The following GCNT1 variants were observed in gnomAD, a reference collection of about 807,000 sequenced individuals.
GCNT1 encodes the protein beta-1,3-galactosyl-O-glycosyl-glycoprotein beta-1,6-N-acetylglucosaminyltransferase.
Under a neutral mutation model 26.2 loss-of-function variants are expected in GCNT1, and 16 were observed. That is an observed-to-expected ratio of 0.61 (90% CI 0.41 to 0.93). GCNT1 has a LOEUF of 0.93. Among genes scored for constraint, GCNT1 ranks in the 40% least tolerant of loss-of-function variants. The pLI is 0.00. For missense variants in GCNT1, 477 were observed against 526.7 expected, an observed-to-expected ratio of 0.91 and a Z score of 0.92; for synonymous variants, 183 against 190.8, an observed-to-expected ratio of 0.96 and a Z score of 0.34.
chr9:76,497,974 A>G (rs1718207371), intron 2 of GCNT1, among the ~76,000 whole-genome samples: 1 of 141,808 alleles, frequency 7.1e-6, no homozygotes, highest in African/African-American at 2.4e-5. Context: ...CTTTGTACCT[A>G]CCAGCATTCA....
At position 76,503,377 on chromosome 9, in the gene GCNT1, C is replaced by T. The variant is rs1587461455; in HGVS notation, c.996C>T (p.Val332=). ...CCACCATCCAAAGGATTCCTGAAGT[C>T]CCGGGCTCACTCCCTGCCAGCCATA... ...LWATIQRIPE[V]PGSLPASHKY... is the part of the protein sequence containing the mutation. Residue 332 remains valine, a synonymous_variant, in exon 4 of 4, where the codon GTC becomes GTT. Coordinates refer to ENST00000376730, the MANE Select transcript of GCNT1 (RefSeq NM_001490.5). 1 of 1,614,148 alleles carries T rather than the reference C, an allele frequency of 6.2e-7. No individual in the cohort carries two copies. The highest frequency in any genetic ancestry group is 2.2e-5 in the East Asian group (1 of 44,886).
chr9:76,398,592 T>C, the GCNT1 span: 1 of 703,324 alleles, frequency 1.4e-6, no homozygotes, highest in African/African-American at 1.8e-5. Context: ...GGTGAAAACT[T>C]TTATCCACAC....
At chr9:76,476,822 G>T (rs7854501) in intron 2 of GCNT1, among the ~76,000 whole-genome samples, 12,481 of 152,126 alleles carry the variant, frequency 0.082, 842 homozygotes, top group African/African-American at 0.19. Context: ...ACTCAAAAAG[G>T]TTATTTTTCA....
rs753301345 is a variant in GCNT1, at chr9:76,503,498, G to A, written c.1117G>A (p.Asp373Asn). Residue 373 changes from aspartate to asparagine, a missense_variant, in exon 4 of 4, where the codon GAT becomes AAT. Physicochemically the swap from Asp to Asn is conservative, Grantham distance 23 (BLOSUM62 1). Transcript: ENST00000376730. ...CAAGGGTGCTCCCTACCCGCCCTGC[G>A]ATGGAGTCCATGTGCGCTCAGTGTG... ...VSKGAPYPPC[D>N]GVHVRSVCIF... 28 of 1,614,068 alleles carry A rather than the reference G, an allele frequency of 1.7e-5. No individual in the cohort carries two copies. The highest frequency in any genetic ancestry group is 1.7e-5 in the Admixed American group (1 of 59,998).
chr9:76,403,892 T>C, the GCNT1 span, among the ~76,000 whole-genome samples: 1 of 152,224 alleles, frequency 6.6e-6, no homozygotes, highest in Non-Finnish European at 1.5e-5. Flanking sequence ...ATACATTTGG[T>C]GCAATGATGG....
chr9:76,406,905 G>A, the GCNT1 span, among the ~76,000 whole-genome samples: 50,932 of 151,710 alleles, frequency 0.34, 9,084 homozygotes, highest in Middle Eastern at 0.4. Context: ...GCCGGGCATG[G>A]TGGCTCATGC....
chr9:76,483,243 T>C (rs7019479), intron 2 of GCNT1, among the ~76,000 whole-genome samples: 1 of 152,034 alleles, frequency 6.6e-6, no homozygotes, highest in Admixed American at 6.6e-5. Context: ...AGTAGTTGCA[T>C]GTGACTACTA....
At chr9:76,457,913 C>G (rs1823785998), upstream of GCNT1, among the ~76,000 whole-genome samples, 1 of 152,084 alleles carries the variant, frequency 6.6e-6, no homozygotes, top group African/African-American at 2.4e-5. Flanking sequence ...AGAGGATACA[C>G]AAGCTCCTAA....
At chr9:76,427,460 G>A (rs1405863117) in intron 1 of GCNT1, among the ~76,000 whole-genome samples, 1 of 152,090 alleles carries the variant, frequency 6.6e-6, no homozygotes, top group Non-Finnish European at 1.5e-5. Context: ...TATTACAGGC[G>A]TGAGCCATCA....
chr9:76,486,501 C>T (rs573497362), intron 2 of GCNT1, among the ~76,000 whole-genome samples: 1 of 152,278 alleles, frequency 6.6e-6, no homozygotes, highest in Non-Finnish European at 1.5e-5. Context: ...TACCTTTCAG[C>T]AGAAGGTGGG....
At chr9:76,421,026 C>T (rs921220277) in intron 1 of GCNT1, among the ~76,000 whole-genome samples, 1 of 151,448 alleles carries the variant, frequency 6.6e-6, no homozygotes, top group African/African-American at 2.4e-5. Context: ...TCTCATCTTC[C>T]TGTTAGTGGT....
At chr9:76,409,911 C>G in the GCNT1 span, among the ~76,000 whole-genome samples, 4 of 152,066 alleles carry the variant, frequency 2.6e-5, no homozygotes, top group Admixed American at 2.0e-4. Context: ...AAATTTCCCT[C>G]TAAGTACTAT....
At chr9:76,414,826 A>C in the GCNT1 span, among the ~76,000 whole-genome samples, 2 of 152,036 alleles carry the variant, frequency 1.3e-5, no homozygotes, top group African/African-American at 2.4e-5. Flanking sequence ...TCTTTACCAC[A>C]TCCTGTTTCA....
At chr9:76,487,874 A>C (rs903555756) in intron 2 of GCNT1, among the ~76,000 whole-genome samples, 1 of 152,178 alleles carries the variant, frequency 6.6e-6, no homozygotes, top group African/African-American at 2.4e-5. Context: ...AGCTGGGACT[A>C]CAGGTGCACA....
intron 2 of GCNT1, among the ~76,000 whole-genome samples, chr9:76,461,980 T>A (rs1238128118): frequency 6.6e-6 from 1 of 152,188 alleles, no homozygotes; most frequent in Non-Finnish European, 1.5e-5. Flanking sequence ...CTGTACACGG[T>A]GATTATATTC....
intron 2 of GCNT1, among the ~76,000 whole-genome samples, chr9:76,498,300 G>T (rs1009668802): frequency 1.3e-5 from 2 of 151,996 alleles, no homozygotes; most frequent in Non-Finnish European, 2.9e-5. Flanking sequence ...AAGTTTTTGC[G>T]TGAATATATG....
upstream of GCNT1, among the ~76,000 whole-genome samples, chr9:76,458,480 C>G (rs974562893): frequency 6.6e-6 from 1 of 150,508 alleles, no homozygotes; most frequent in Non-Finnish European, 1.5e-5. Context: ...CCGCGCCCGG[C>G]CAGAATTTTT....
chr9:76,470,125 T>TCTAA (rs1416493881), intron 2 of GCNT1, among the ~76,000 whole-genome samples: 20 of 152,184 alleles, frequency 1.3e-4, no homozygotes, highest in Non-Finnish European at 1.5e-5. Context: ...TGACTTTGAC[T>TCTAA]CTAAGTCAAG....
intron 1 of GCNT1, among the ~76,000 whole-genome samples, chr9:76,429,875 C>T (rs779252590): frequency 1.2e-4 from 18 of 152,002 alleles, no homozygotes; most frequent in Non-Finnish European, 2.4e-4. Context: ...CCACCACGCC[C>T]GGCTAATTTT....
Sources: gnomAD v4.1 joint callset for allele counts (sites outside exome capture counted in the v4.1 genomes callset) on GRCh38, gnomAD v4.1.1 for gene constraint, MANE v1.5 for transcripts, NCBI Gene and HGNC (gene_info 2026-07-23, HGNC 2026-07-21) for gene names.